NEDD4: variants seen among roughly 807,000 people sequenced by gnomAD.
NEDD4 encodes NEDD4 E3 ubiquitin protein ligase, also known as E3 ubiquitin-protein ligase NEDD4.
In NEDD4, 99 loss-of-function variants were observed where a neutral mutation model predicts 144.9. That is an observed-to-expected ratio of 0.68 (90% confidence interval 0.58 to 0.81). NEDD4 has a LOEUF of 0.81. Ranked by LOEUF, NEDD4 falls within the 30% of genes least tolerant of loss-of-function variation. NEDD4 has a pLI of 0.00. For missense variants in NEDD4, 985 were observed against 1,065.9 expected (o/e 0.92, Z 1.06); for synonymous variants, 318 against 350.6 (o/e 0.91, Z 1.04).
chr15:55,952,893 T>C (rs1429800491), intron 2 of NEDD4: 1 of 152,240 alleles, frequency 6.6e-6, no homozygotes, highest in African/African-American at 2.4e-5. Context: ...GTCAAACCTT[T>C]TCAGAGGCAG....
intron 5 of NEDD4, chr15:55,915,607 C>A: frequency 6.2e-7 from 1 of 1,613,814 alleles, no homozygotes; most frequent in Non-Finnish European, 8.5e-7. Flanking sequence ...TACTCTGAAT[C>A]AGAATTAAGC....
chr15:55,931,463 C>T (rs1180571957), intron 4 of NEDD4, among the ~76,000 whole-genome samples: 1 of 151,474 alleles, frequency 6.6e-6, no homozygotes, highest in Non-Finnish European at 1.5e-5. Context: ...TAAAACTATG[C>T]TCACAAAAAA....
intron 5 of NEDD4, among the ~76,000 whole-genome samples, chr15:55,906,061 G>C (rs2142173223): frequency 6.6e-6 from 1 of 152,220 alleles, no homozygotes; most frequent in South Asian, 2.1e-4. Flanking sequence ...TCAGAGAAAT[G>C]CAAATCAAAA....
intron 14 of NEDD4, among the ~76,000 whole-genome samples, chr15:55,849,557 G>C (rs1394337342): frequency 1.3e-5 from 2 of 152,042 alleles, no homozygotes. Context: ...CATTTTGCCA[G>C]CTATCTGTTC....
chr15:55,939,581 G>A (rs948449075), intron 4 of NEDD4, among the ~76,000 whole-genome samples: 2 of 151,774 alleles, frequency 1.3e-5, no homozygotes, highest in African/African-American at 4.9e-5. Flanking sequence ...CAAACAAATG[G>A]CCCACTCTTT....
intron 5 of NEDD4, among the ~76,000 whole-genome samples, chr15:55,909,061 C>T (rs530585150): frequency 6.6e-6 from 1 of 152,196 alleles, no homozygotes; most frequent in South Asian, 2.1e-4. Context: ...CTAAGGTAAT[C>T]AAAATGTTTC....
At chr15:55,935,638 G>A (rs2036871335) in intron 4 of NEDD4, among the ~76,000 whole-genome samples, 1 of 151,976 alleles carries the variant, frequency 6.6e-6, no homozygotes, top group Non-Finnish European at 1.5e-5. Flanking sequence ...ATGAGGTCAG[G>A]AGATCGAGAC....
chr15:55,965,714 G>C (rs79817948), intron 2 of NEDD4, among the ~76,000 whole-genome samples: 12,482 of 151,782 alleles, frequency 0.082, 631 homozygotes, highest in Middle Eastern at 0.16. Context: ...ATGTATTTTT[G>C]TTTTTGAGAC....
At chr15:55,968,750 C>T (rs540285894) in intron 1 of NEDD4, among the ~76,000 whole-genome samples, 1 of 152,014 alleles carries the variant, frequency 6.6e-6, no homozygotes, top group Non-Finnish European at 1.5e-5. Context: ...AAAATAAAAA[C>T]CCAGGAACTG....
At chr15:55,847,378 G>A (rs796739620) in intron 17 of NEDD4, among the ~76,000 whole-genome samples, 17 of 152,272 alleles carry the variant, frequency 1.1e-4, no homozygotes, top group African/African-American at 4.1e-4. Flanking sequence ...CTCCATTAAA[G>A]GGACAATGTG....
intron 18 of NEDD4, among the ~76,000 whole-genome samples, chr15:55,845,587 G>T (rs982053116): frequency 1.3e-5 from 2 of 151,904 alleles, no homozygotes; most frequent in South Asian, 2.1e-4. Flanking sequence ...CTGCCTGGAA[G>T]ACATTAATAA....
At chr15:55,923,645 C>CAAAAAAA (rs767874914) in intron 5 of NEDD4, among the ~76,000 whole-genome samples, 2 of 123,318 alleles carry the variant, frequency 1.6e-5, no homozygotes, top group African/African-American at 3.0e-5. Flanking sequence ...GACTCCATCT[C>CAAAAAAA]AAAAAAAAAA....
intron 26 of NEDD4, among the ~76,000 whole-genome samples, chr15:55,833,400 A>C (rs1349905926): frequency 6.6e-6 from 1 of 152,098 alleles, no homozygotes; most frequent in Non-Finnish European, 1.5e-5. Flanking sequence ...GCTCATGCCT[A>C]TAATCCCAGC....
rs368808867 is a variant in NEDD4, at chr15:55,957,735, A to G, written c.120-6146T>C. On this transcript the variant is annotated intron_variant, in intron 2 of 28. Transcript: ENST00000435532. ...TTGGAACCAACCCAAATGTCCATCA[A>G]TGATAGACTGGATTAAGAAAATGTG... Among the ~76,000 whole-genome samples, 13 of 152,340 alleles carry G rather than the reference A, an allele frequency of 8.5e-5. No individual in the cohort carries two copies. In the East Asian group the frequency reaches 2.5e-3, roughly 29 times the overall value.
intron 4 of NEDD4, among the ~76,000 whole-genome samples, chr15:55,930,820 T>C (rs571226783): frequency 8.3e-4 from 127 of 152,302 alleles, no homozygotes; most frequent in Non-Finnish European, 1.4e-3. Context: ...ATGTATGATA[T>C]GCCTTTGCTT....
At chr15:55,858,380 C>G (rs1193250094) in intron 11 of NEDD4, among the ~76,000 whole-genome samples, 1 of 152,094 alleles carries the variant, frequency 6.6e-6, no homozygotes, top group South Asian at 2.1e-4. Context: ...AATCTCGGCT[C>G]ACTGCAACCT....
chr15:55,984,984 T>C (rs993561615), intron 1 of NEDD4, among the ~76,000 whole-genome samples: 17 of 152,236 alleles, frequency 1.1e-4, no homozygotes, highest in African/African-American at 3.6e-4. Context: ...CCAAATGCTA[T>C]AGAATATTTC....
chr15:55,978,455 T>C (rs1312021462), intron 1 of NEDD4, among the ~76,000 whole-genome samples: 1 of 152,196 alleles, frequency 6.6e-6, no homozygotes, highest in Non-Finnish European at 1.5e-5. Flanking sequence ...TGTGTTGAGA[T>C]TGTAATCTCT....
intron 18 of NEDD4, among the ~76,000 whole-genome samples, chr15:55,843,044 TG>T (rs2033586963): frequency 6.6e-6 from 1 of 152,236 alleles, no homozygotes; most frequent in South Asian, 2.1e-4. Context: ...TGATAGTGAA[TG>T]GGTCTCACGA....
Sources: allele counts gnomAD v4.1 joint callset (sites outside exome capture counted in the v4.1 genomes callset), GRCh38; gene constraint gnomAD v4.1.1; transcripts MANE v1.5; gene names NCBI Gene and HGNC (gene_info 2026-07-23, HGNC 2026-07-21).